KCNN2: variants seen among roughly 807,000 people sequenced by gnomAD.
The protein encoded by KCNN2 is potassium calcium-activated channel subfamily N member 2.
A neutral mutation model predicts 55.5 loss-of-function variants in KCNN2; 24 were observed. That is an observed-to-expected ratio of 0.43 (90% confidence interval 0.31 to 0.61). The LOEUF (loss-of-function observed/expected upper bound fraction) is 0.61, where lower values mean the gene tolerates loss of function less well. Among genes scored for constraint, KCNN2 ranks in the 20% least tolerant of loss-of-function variants. The pLI is 0.08. For synonymous variants in KCNN2, 431 were observed against 336.1 expected, an observed-to-expected ratio of 1.28 and a Z score of -3.09; for missense variants, 754 against 853.6, an observed-to-expected ratio of 0.88 and a Z score of 1.45.
chr5:114,421,584 C>T (rs1759472733), intron 3 of KCNN2, among the ~76,000 whole-genome samples: 1 of 151,972 alleles, frequency 6.6e-6, no homozygotes, highest in Non-Finnish European at 1.5e-5. Flanking sequence ...TCTCTTTTCT[C>T]TACAACCTCC....
intron 3 of KCNN2, among the ~76,000 whole-genome samples, chr5:114,430,933 C>G (rs1450527916): frequency 6.6e-6 from 1 of 152,068 alleles, no homozygotes; most frequent in Non-Finnish European, 1.5e-5. Flanking sequence ...CTTGTATGCT[C>G]AGAATAAATT....
rs1753398594 is a variant in KCNN2, at chr5:114,189,148, GTGTGTGTA to G, written c.-270-32324_-270-32317del. ...TAGAACCAATAGTGTGTGTGTGTGT[GTGTGTGTA>G]TGTGTGTGTGTGTGTAAAGATTTAT... On this transcript the variant is annotated intron_variant, in intron 1 of 10. Coordinates refer to the KCNN2 transcript ENST00000512097. Among the ~76,000 whole-genome samples, 3 of 151,592 alleles carry G rather than the reference GTGTGTGTA, an allele frequency of 2.0e-5. No homozygotes were observed. In the South Asian group the frequency reaches 6.3e-4, roughly 32 times the overall value.
At chr5:114,457,992 T>C (rs1467786208) in intron 3 of KCNN2, among the ~76,000 whole-genome samples, 1 of 152,252 alleles carries the variant, frequency 6.6e-6, no homozygotes, top group East Asian at 1.9e-4. Context: ...CCATCTTGGC[T>C]GAAAGCAAAT....
chr5:114,151,159 A>G (rs958408193), intron 1 of KCNN2, among the ~76,000 whole-genome samples: 8 of 151,980 alleles, frequency 5.3e-5, no homozygotes, highest in African/African-American at 1.9e-4. Flanking sequence ...AGTGTAAAAC[A>G]GATCTGTTAC....
chr5:114,291,531 A>G (rs957853215), intron 2 of KCNN2, among the ~76,000 whole-genome samples: 2 of 152,130 alleles, frequency 1.3e-5, no homozygotes, highest in African/African-American at 4.8e-5. Context: ...GTCATTTTTT[A>G]TGGCTGCATA....
intron 1 of KCNN2, among the ~76,000 whole-genome samples, chr5:114,067,522 GT>G (rs1392683635): frequency 6.6e-6 from 1 of 152,034 alleles, no homozygotes; most frequent in Non-Finnish European, 1.5e-5. Context: ...TAAATATTTT[GT>G]TTTTAAATAC....
At chr5:114,257,469 A>G (rs367890206) in intron 2 of KCNN2, among the ~76,000 whole-genome samples, 1 of 151,980 alleles carries the variant, frequency 6.6e-6, no homozygotes, top group Non-Finnish European at 1.5e-5. Context: ...AAATATATTT[A>G]TTATTCTAAT....
intron 1 of KCNN2, among the ~76,000 whole-genome samples, chr5:114,218,370 A>G (rs1754052495): frequency 6.6e-6 from 1 of 152,224 alleles, no homozygotes; most frequent in South Asian, 2.1e-4. Context: ...GGATAAATAA[A>G]CTATGGTATA....
chr5:114,091,433 T>A (rs959401290), intron 1 of KCNN2, among the ~76,000 whole-genome samples: 2 of 152,156 alleles, frequency 1.3e-5, no homozygotes, highest in Non-Finnish European at 2.9e-5. Context: ...GAGGTTAAGA[T>A]CCTGAGTTCA....
chr5:114,205,676 G>A (rs915538149), intron 1 of KCNN2, among the ~76,000 whole-genome samples: 22 of 152,032 alleles, frequency 1.4e-4, no homozygotes, highest in South Asian at 2.1e-4. Flanking sequence ...ATGGGCCTTC[G>A]GGAGCTTATT....
At chr5:114,478,933 A>G (rs1299927624) in intron 5 of KCNN2, among the ~76,000 whole-genome samples, 1 of 152,226 alleles carries the variant, frequency 6.6e-6, no homozygotes, top group Non-Finnish European at 1.5e-5. Flanking sequence ...GTTACCACCC[A>G]CTACAAAAAC....
At chr5:114,367,202 A>G (rs1037139985) in intron 2 of KCNN2, among the ~76,000 whole-genome samples, 2 of 152,194 alleles carry the variant, frequency 1.3e-5, no homozygotes, top group African/African-American at 2.4e-5. Flanking sequence ...TTAAAACAGT[A>G]TGATGGGGAG....
Position 114,293,174 on chromosome 5 carries a change from A to T in KCNN2, c.-184-67771A>T, listed in dbSNP as rs140194637. On this transcript the variant is annotated intron_variant, in intron 2 of 10. Transcript: ENST00000512097. ...TGACTTCCTCTTTTCCTAATTGTATACCCTTTATTTCCTTCTCCTGCCTGA... is the reference window on the plus strand; with the variant it reads ...TGACTTCCTCTTTTCCTAATTGTATTCCCTTTATTTCCTTCTCCTGCCTGA... Among the ~76,000 whole-genome samples, 1,021 of 152,174 alleles carry T rather than the reference A, an allele frequency of 6.7e-3. 19 individuals carry two copies. Among genetic ancestry groups the T allele is most frequent in the African/African-American group, 0.023 (935 of 41,510 alleles).
intron 1 of KCNN2, among the ~76,000 whole-genome samples, chr5:114,212,450 A>G (rs901233273): frequency 1.3e-5 from 2 of 152,028 alleles, no homozygotes; most frequent in Non-Finnish European, 2.9e-5. Context: ...AATGTTCTAA[A>G]ATTGTGGCGA....
At chr5:114,409,056 G>A (rs1327864127) in intron 3 of KCNN2, among the ~76,000 whole-genome samples, 2 of 152,122 alleles carry the variant, frequency 1.3e-5, no homozygotes, top group Non-Finnish European at 2.9e-5. Flanking sequence ...CTCTGGATTG[G>A]GACACTGGGA....
intron 2 of KCNN2, among the ~76,000 whole-genome samples, chr5:114,317,255 G>A (rs765479623): frequency 3.3e-5 from 5 of 151,608 alleles, no homozygotes; most frequent in Non-Finnish European, 5.9e-5. Context: ...CAGGAAGCCA[G>A]CTTTGTAATG....
intron 2 of KCNN2, among the ~76,000 whole-genome samples, chr5:114,258,810 C>T (rs1755039199): frequency 6.6e-6 from 1 of 152,176 alleles, no homozygotes; most frequent in Non-Finnish European, 1.5e-5. Context: ...TTCCCCTGTG[C>T]AGAACCTCCT....
intron 1 of KCNN2, among the ~76,000 whole-genome samples, chr5:114,119,977 C>A (rs1403309134): frequency 6.6e-6 from 1 of 152,068 alleles, no homozygotes; most frequent in Non-Finnish European, 1.5e-5. Flanking sequence ...AAAAGAAAAA[C>A]ACAGCATGTG....
At chr5:114,329,604 T>A (rs562476363) in intron 2 of KCNN2, among the ~76,000 whole-genome samples, 7 of 152,196 alleles carry the variant, frequency 4.6e-5, no homozygotes, top group Non-Finnish European at 7.3e-5. Context: ...TCCTTAGTTT[T>A]GAGGTTTGGG....
Sources: gnomAD v4.1 joint callset for allele counts (sites outside exome capture counted in the v4.1 genomes callset) on GRCh38, gnomAD v4.1.1 for gene constraint, MANE v1.5 for transcripts, NCBI Gene and HGNC (gene_info 2026-07-23, HGNC 2026-07-21) for gene names.